Variants in CFDP1 observed in about 807,000 individuals in gnomAD.
The protein encoded by CFDP1 is heterochromatin-stabilizing protein CFDP1.
In CFDP1, 31 loss-of-function variants were observed where a neutral mutation model predicts 40.1. The ratio of observed to expected loss-of-function variants is 0.77; its 90% confidence interval spans 0.58 to 1.04. CFDP1 has a LOEUF of 1.04. Ranked by LOEUF, CFDP1 falls within the 50% of genes least tolerant of loss-of-function variation. The pLI, the probability that CFDP1 is intolerant of heterozygous loss-of-function variation, is 0.00. For missense variants in CFDP1, 423 were observed against 343.4 expected (o/e 1.23, Z -1.83); for synonymous variants, 167 against 120.0 (o/e 1.39, Z -2.56).
chr16:75,307,918 G>T (rs1306147468), intron 5 of CFDP1, among the ~76,000 whole-genome samples: 1 of 152,168 alleles, frequency 6.6e-6, no homozygotes, highest in Non-Finnish European at 1.5e-5. Flanking sequence ...TAGATTAGGT[G>T]TCCCTGGTGG....
chr16:75,319,100 G>A (rs1378318029), intron 5 of CFDP1, among the ~76,000 whole-genome samples: 1 of 152,134 alleles, frequency 6.6e-6, no homozygotes, highest in African/African-American at 2.4e-5. Flanking sequence ...CTGGAGTGCA[G>A]TGGAGCGATC....
At chr16:75,296,850 G>A (rs775136847) in intron 6 of CFDP1, among the ~76,000 whole-genome samples, 22 of 152,140 alleles carry the variant, frequency 1.4e-4, no homozygotes, top group Admixed American at 1.3e-3. Flanking sequence ...TGCCTGTGAC[G>A]GCCTTGGTTT....
rs150987819 is a variant in CFDP1, at chr16:75,410,055, CAAAAAAAAAAAAAAA to C, written c.530+1755_530+1769del. On this transcript the variant is annotated intron_variant, in intron 4 of 6. Transcript: ENST00000283882. Reference sequence around the variant, plus strand: ...TAGGCAACACAGCAAGACCCTTTCTCAAAAAAAAAAAAAAAAAAAAAAAAAAAAAAACCCAAAACA... The same window carrying C: ...TAGGCAACACAGCAAGACCCTTTCTCAAAAAAAAAAAAAAAACCCAAAACA... Among the ~76,000 whole-genome samples, 27 of 52,544 alleles carry C rather than the reference CAAAAAAAAAAAAAAA, an allele frequency of 5.1e-4. 1 individual carries two copies. The highest frequency in any genetic ancestry group is 2.7e-3 in the Admixed American group (7 of 2,634). The allele number at this position is 52,544 out of a possible 152,430, so 34.5% of individuals were successfully genotyped here. A position where few individuals can be genotyped will look rare whatever the true frequency, so the allele number is the denominator to read the frequency against.
chr16:75,431,152 T>C (rs1468342114), intron 1 of CFDP1, among the ~76,000 whole-genome samples: 4 of 150,666 alleles, frequency 2.7e-5, no homozygotes, highest in African/African-American at 9.8e-5. Context: ...ACACTGTCAT[T>C]AGAAAAAAAA....
chr16:75,362,296 C>G (rs1018082713), intron 5 of CFDP1, among the ~76,000 whole-genome samples: 1 of 152,110 alleles, frequency 6.6e-6, no homozygotes, highest in Non-Finnish European at 1.5e-5. Context: ...GGTAGAAAGG[C>G]GGGGCCCAGC....
At chr16:75,298,767 T>C (rs147299102) in intron 6 of CFDP1, among the ~76,000 whole-genome samples, 1 of 152,304 alleles carries the variant, frequency 6.6e-6, no homozygotes, top group East Asian at 1.9e-4. Context: ...AGTTTCTAAT[T>C]AAGTTTCTTC....
At chr16:75,406,143 G>A (rs12924782) in intron 4 of CFDP1, among the ~76,000 whole-genome samples, 78,614 of 151,566 alleles carry the variant, frequency 0.52, 21,435 homozygotes, top group Admixed American at 0.64. Flanking sequence ...GGGAGGCTAA[G>A]GCAGGAGGAT....
At chr16:75,365,098 C>A (rs77671042) in intron 5 of CFDP1, among the ~76,000 whole-genome samples, 2 of 152,134 alleles carry the variant, frequency 1.3e-5, no homozygotes, top group African/African-American at 4.8e-5. Context: ...TCCATAGCAT[C>A]TTAAATATTT....
At chr16:75,324,227 G>A (rs1052151758) in intron 5 of CFDP1, among the ~76,000 whole-genome samples, 6 of 152,172 alleles carry the variant, frequency 3.9e-5, no homozygotes, top group Non-Finnish European at 8.8e-5. Context: ...TAGAGAGGGT[G>A]GGGGAGGTGT....
At chr16:75,393,541 C>A (rs923917372) in intron 5 of CFDP1, among the ~76,000 whole-genome samples, 3 of 151,614 alleles carry the variant, frequency 2.0e-5, no homozygotes, top group Non-Finnish European at 4.4e-5. Flanking sequence ...ACCATCCTGG[C>A]TAACAAGGTG....
At chr16:75,315,435 A>C (rs1567642758) in intron 5 of CFDP1, among the ~76,000 whole-genome samples, 1 of 151,478 alleles carries the variant, frequency 6.6e-6, no homozygotes, top group Non-Finnish European at 1.5e-5. Flanking sequence ...GCATTAATGA[A>C]CCTTGAGGCT....
At chr16:75,327,438 T>C (rs1253900638) in intron 5 of CFDP1, among the ~76,000 whole-genome samples, 1 of 151,544 alleles carries the variant, frequency 6.6e-6, no homozygotes, top group South Asian at 2.1e-4. Context: ...CCCAGAGGGA[T>C]GTTACGGGGA....
chr16:75,399,782 T>C (rs1327667261), intron 4 of CFDP1, among the ~76,000 whole-genome samples: 1 of 151,850 alleles, frequency 6.6e-6, no homozygotes, highest in Non-Finnish European at 1.5e-5. Context: ...CTGGGCAACA[T>C]GGCAAGACCC....
At chr16:75,359,086 A>G (rs139339035) in intron 5 of CFDP1, among the ~76,000 whole-genome samples, 296 of 152,372 alleles carry the variant, frequency 1.9e-3, no homozygotes, top group African/African-American at 6.5e-3. Context: ...TTTTCTTTAT[A>G]TAATTCAGCC....
intron 5 of CFDP1, among the ~76,000 whole-genome samples, chr16:75,306,176 T>C (rs1047729315): frequency 6.6e-6 from 1 of 152,244 alleles, no homozygotes; most frequent in Admixed American, 6.5e-5. Context: ...TAATGTCACA[T>C]GGTCTACTGA....
intron 5 of CFDP1, among the ~76,000 whole-genome samples, chr16:75,307,583 GGTTCTCACTCTGTTACCCAGGC>G (rs1380184068): frequency 6.6e-6 from 1 of 152,002 alleles, no homozygotes; most frequent in Non-Finnish European, 1.5e-5. Flanking sequence ...TTTAGAGACA[GGTTCTCACTCTGTTACCCAGGC>G]TAGAGTACAC....
intron 5 of CFDP1, among the ~76,000 whole-genome samples, chr16:75,313,303 G>T (rs899809443): frequency 6.6e-6 from 1 of 152,160 alleles, no homozygotes; most frequent in African/African-American, 2.4e-5. Flanking sequence ...AGATGTAAAA[G>T]AACTTGTGCT....
chr16:75,357,000 G>A (rs1400009457), intron 5 of CFDP1, among the ~76,000 whole-genome samples: 2 of 139,158 alleles, frequency 1.4e-5, no homozygotes, highest in Non-Finnish European at 3.0e-5. Context: ...TGCAACCTCC[G>A]CCTCCCAGGT....
intron 5 of CFDP1, among the ~76,000 whole-genome samples, chr16:75,366,974 G>A (rs1000892101): frequency 1.3e-5 from 2 of 151,808 alleles, no homozygotes; most frequent in African/African-American, 4.8e-5. Context: ...GACCAGCCTG[G>A]CCAACATGGC....
Sources: gnomAD v4.1 joint callset for allele counts (sites outside exome capture counted in the v4.1 genomes callset) on GRCh38, gnomAD v4.1.1 for gene constraint, MANE v1.5 for transcripts, NCBI Gene and HGNC (gene_info 2026-07-23, HGNC 2026-07-21) for gene names.